The following ATP7A variants were observed in gnomAD, a reference collection of about 807,000 sequenced individuals.
The protein encoded by ATP7A is copper-transporting ATPase 1.
A neutral mutation model predicts 83.5 loss-of-function variants in ATP7A; 7 were observed. The ratio of observed to expected loss-of-function variants is 0.08; its 90% CI spans 0.05 to 0.16. The LOEUF (loss-of-function observed/expected upper bound fraction) is 0.16, where lower values mean the gene tolerates loss of function less well. Ranked by LOEUF, ATP7A falls within the 10% of genes least tolerant of loss-of-function variation. The pLI, the probability that ATP7A is intolerant of heterozygous loss-of-function variation, is 1.00. For missense variants in ATP7A, 940 were observed against 1,120.8 expected (o/e 0.84, Z 2.30); for synonymous variants, 354 against 395.2 (o/e 0.90, Z 1.24).
At chrX:77,959,567 A>C (rs1213694457) in intron 1 of ATP7A, among the ~76,000 whole-genome samples, 1 of 111,998 alleles carries the variant, frequency 8.9e-6, no homozygotes, top group Non-Finnish European at 1.9e-5. Context: ...CTGCACTCTG[A>C]GTTGTGACAA....
chrX:77,962,274 C>T (rs2077478081), intron 1 of ATP7A, among the ~76,000 whole-genome samples: 1 of 111,610 alleles, frequency 9.0e-6, no homozygotes, highest in Non-Finnish European at 1.9e-5. Context: ...GAAATATCCT[C>T]TCATAGAGCA....
chrX:77,917,388 C>T (rs1274477148), intron 1 of ATP7A, among the ~76,000 whole-genome samples: 2 of 111,474 alleles, frequency 1.8e-5, no homozygotes, highest in African/African-American at 6.5e-5. Context: ...GATCTCATCT[C>T]TACTCTAATT....
rs915053566 is a variant in ATP7A at position 78,048,304 on chromosome X, A to G, written c.*1734A>G. 2 of 112,401 alleles carry G rather than the reference A, an allele frequency of 1.8e-5. No individual in the cohort carries two copies. The highest frequency in any genetic ancestry group is 3.8e-5 in the Non-Finnish European group (2 of 53,294). 9.3% of individuals were successfully genotyped at this position (112,401 alleles called of 1,213,427 possible). On this transcript the variant is annotated 3_prime_UTR_variant, in exon 23 of 23. Transcript: ENST00000341514. The stretch of plus-strand genomic sequence containing the variant: ...GTAAATGAAGAGGACTCATAAGTAA[A>G]TTCCTAACATTTTGTTCCCATTACC...
chrX:77,954,242 C>T (rs1046449251), intron 1 of ATP7A, among the ~76,000 whole-genome samples: 6 of 111,891 alleles, frequency 5.4e-5, no homozygotes, highest in Admixed American at 1.9e-4. Flanking sequence ...CGGGTTCAAG[C>T]GATTCTTCTG....
At position 78,017,765 on chromosome X, in the gene ATP7A, C is replaced by CTTTTTTTTT. The variant is rs1176316040; in HGVS notation, c.2626+1905_2626+1913dup. On this transcript the variant is annotated intron_variant, in intron 12 of 22. Transcript: ENST00000341514. The stretch of plus-strand genomic sequence containing the variant: ...ATGCCATCCGTCTCTTTTCTTGTTT[C>CTTTTTTTTT]TTTTTTTTTTTTTTTTTTTTTTTTT... 9.4e-4 allele frequency among the ~76,000 whole-genome samples: 43 copies of CTTTTTTTTT among 45,858 alleles called. 1 individual carries two copies. Among genetic ancestry groups the CTTTTTTTTT allele is most frequent in the East Asian group, 3.0e-3 (4 of 1,324 alleles). 39.8% of individuals were successfully genotyped at this position (45,858 alleles called of 115,157 possible).
chrX:77,977,294 G>T (rs2149076879), intron 2 of ATP7A, among the ~76,000 whole-genome samples: 1 of 111,799 alleles, frequency 8.9e-6, no homozygotes, highest in African/African-American at 3.2e-5. Context: ...GGTGGGGCTG[G>T]TGTTGAGGGC....
chrX:78,000,424 ATTTT>A (rs1294700415), intron 5 of ATP7A, among the ~76,000 whole-genome samples: 1 of 109,237 alleles, frequency 9.2e-6, no homozygotes, highest in African/African-American at 3.3e-5. Context: ...GCCAGTTACA[ATTTT>A]TTTTAAGTCT....
At chrX:77,965,053 C>CT (rs1159500465) in intron 1 of ATP7A, among the ~76,000 whole-genome samples, 33 of 102,745 alleles carry the variant, frequency 3.2e-4, no homozygotes, top group Admixed American at 8.4e-4. Context: ...AAGCACTGGA[C>CT]TTTTTTTTTT....
chrX:77,974,881 A>AT lies in ATP7A; in HGVS notation c.120+3129dup, dbSNP rs200458835. 230 of 278,528 alleles carry AT rather than the reference A, an allele frequency of 8.3e-4. No individual in the cohort carries two copies. The East Asian group carries it at 8.5e-3, about 10-fold the overall frequency. The allele number at this position is 278,528 out of a possible 1,213,427, so 23.0% of individuals were successfully genotyped here. ...AAACATACACAAAGGTGGAGAAACTATTTTTTTTTATTATACTTTAAGTTT... is the reference window on the plus strand; with the variant it reads ...AAACATACACAAAGGTGGAGAAACTATTTTTTTTTTATTATACTTTAAGTTT... On this transcript the variant is annotated intron_variant, in intron 2 of 22. Transcript: ENST00000341514.
intron 1 of ATP7A, chrX:77,965,537 C>G (rs782401932): frequency 8.9e-5 from 21 of 235,338 alleles, no homozygotes; most frequent in African/African-American, 6.2e-4. Context: ...ACAATTGGGG[C>G]CCTTATATAC....
At chrX:77,944,548 C>G (rs1227118921) in intron 1 of ATP7A, among the ~76,000 whole-genome samples, 2 of 110,544 alleles carry the variant, frequency 1.8e-5, no homozygotes, top group Non-Finnish European at 3.8e-5. Flanking sequence ...GTGATCCTTC[C>G]TCAGCCTCTG....
chrX:77,978,782 A>G (rs1430065341), intron 2 of ATP7A, among the ~76,000 whole-genome samples: 1 of 111,847 alleles, frequency 8.9e-6, no homozygotes, highest in Non-Finnish European at 1.9e-5. Flanking sequence ...ATTGTTATGG[A>G]TTTTTATGAT....
intron 7 of ATP7A, 71 bp from the exon 8 acceptor site, chrX:78,011,105 A>G: frequency 1.0e-6 from 1 of 970,001 alleles, no homozygotes; most frequent in South Asian, 2.0e-5. Flanking sequence ...TGACAATACC[A>G]TGGCTTAGAA....
At chrX:77,946,505 A>G (rs2077380342) in intron 1 of ATP7A, among the ~76,000 whole-genome samples, 1 of 110,149 alleles carries the variant, frequency 9.1e-6, no homozygotes, top group Non-Finnish European at 1.9e-5. Context: ...TTTAAAGTAT[A>G]TATAACAACC....
At chrX:77,938,092 A>G (rs2077330570) in intron 1 of ATP7A, among the ~76,000 whole-genome samples, 2 of 112,204 alleles carry the variant, frequency 1.8e-5, no homozygotes, top group Admixed American at 9.5e-5. Context: ...ATGATGATTT[A>G]TTAACTAATA....
intron 1 of ATP7A, among the ~76,000 whole-genome samples, chrX:77,913,768 T>C (rs961863011): frequency 2.7e-5 from 3 of 112,111 alleles, no homozygotes; most frequent in African/African-American, 9.7e-5. Context: ...TTGAAGGAAA[T>C]GAGGGTAAAA....
At chrX:78,020,906 GCTT>G (rs782073562) in intron 13 of ATP7A, 36 bp from the exon 14 acceptor site, 5 of 1,177,207 alleles carry the variant, frequency 4.2e-6, no homozygotes, top group African/African-American at 3.5e-5. Context: ...ACTTTGATAT[GCTT>G]CTTCTTCTTA....
rs1474011247 is a variant in ATP7A at position 78,036,115 on chromosome X, A to C, written c.3511+2294A>C. Among the ~76,000 whole-genome samples, 5 of 112,035 alleles carry C rather than the reference A, an allele frequency of 4.5e-5. No individual in the cohort carries two copies. The Admixed American group carries it at 4.7e-4, about 11-fold the overall frequency. On this transcript the variant is annotated intron_variant, in intron 17 of 22. Coordinates refer to ENST00000341514, the MANE Select transcript of ATP7A (RefSeq NM_000052.7). The stretch of plus-strand genomic sequence containing the variant: ...TAAAGAATCGGCAGTAAACAAGATA[A>C]ACTAAGTTCTTATTTCATGGAGCTT...
intron 1 of ATP7A, among the ~76,000 whole-genome samples, chrX:77,919,499 CT>C (rs1430324279): frequency 9.0e-6 from 1 of 110,520 alleles, no homozygotes; most frequent in South Asian, 3.7e-4. Context: ...CTATTTTAAC[CT>C]TTTTTTTTGA....
Sources: allele counts gnomAD v4.1 joint callset (sites outside exome capture counted in the v4.1 genomes callset), GRCh38; gene constraint gnomAD v4.1.1; transcripts MANE v1.5; gene names NCBI Gene and HGNC (gene_info 2026-07-23, HGNC 2026-07-21).